Variants in SLC25A16 observed in about 807,000 individuals in gnomAD.
SLC25A16 encodes solute carrier family 25 member 16.
In SLC25A16, 39 loss-of-function variants were observed where a neutral mutation model predicts 41.5. The observed-to-expected ratio is 0.94, with a 90% CI of 0.73 to 1.23. The LOEUF is 1.23. Ranked by LOEUF, SLC25A16 falls within the 50% of genes most tolerant of loss-of-function variation. SLC25A16 has a pLI of 0.00. For synonymous variants in SLC25A16, 146 were observed against 147.8 expected, an observed-to-expected ratio of 0.99 and a Z score of 0.09; for missense variants, 421 against 426.9, an observed-to-expected ratio of 0.99 and a Z score of 0.12.
intron 2 of SLC25A16, among the ~76,000 whole-genome samples, chr10:68,514,617 G>C (rs1041573339): frequency 7.2e-5 from 11 of 152,252 alleles, no homozygotes; most frequent in Admixed American, 6.5e-4. Context: ...GGTACTTTTT[G>C]AGACTTTTAC....
chr10:68,493,256 C>G (rs2052692240), intron 5 of SLC25A16, 58 bp from the exon 6 acceptor site: 2 of 1,292,734 alleles, frequency 1.5e-6, no homozygotes, highest in Non-Finnish European at 1.1e-6. Context: ...TCATAAACAT[C>G]AAAGAAAAAA....
At chr10:68,521,953 G>A (rs1241455162) in intron 1 of SLC25A16, among the ~76,000 whole-genome samples, 1 of 151,866 alleles carries the variant, frequency 6.6e-6, no homozygotes, top group Non-Finnish European at 1.5e-5. Flanking sequence ...TTGAGGTCAG[G>A]AATTGGAGAC....
In SLC25A16 at chr10:68,527,428, C is replaced by A. The variant is rs1455672402; in HGVS notation, c.-53G>T. The A allele has an allele frequency of 3.5e-6, 5 of 1,419,086 alleles. No homozygotes were observed. Among genetic ancestry groups the A allele is most frequent in the Non-Finnish European group, 4.6e-6 (5 of 1,095,650 alleles). The allele number at this position is 1,419,086 out of a possible 1,614,324, so 87.9% of individuals were successfully genotyped here. A position where few individuals can be genotyped will look rare whatever the true frequency, so the allele number is the denominator to read the frequency against. On this transcript the variant is annotated 5_prime_UTR_variant, in exon 1 of 9. Transcript: ENST00000609923. ...GGTTGCCAACTTACAGAACACCGGACGGGACCATAGCCGGAACAGGCGGTG... is the reference window on the plus strand; with the variant it reads ...GGTTGCCAACTTACAGAACACCGGAAGGGACCATAGCCGGAACAGGCGGTG...
At chr10:68,503,434 A>T (rs976612872) in intron 4 of SLC25A16, among the ~76,000 whole-genome samples, 198 bp downstream of exon 4, 1 of 152,176 alleles carries the variant, frequency 6.6e-6, no homozygotes, top group African/African-American at 2.4e-5. Flanking sequence ...AAAACAACAA[A>T]TGTGTGCTAC....
intron 2 of SLC25A16, among the ~76,000 whole-genome samples, chr10:68,514,820 C>T (rs1421229897): frequency 6.6e-6 from 1 of 151,938 alleles, no homozygotes. Flanking sequence ...TTACAGCAAC[C>T]TCCACCTCCC....
rs1371499431 is a variant in SLC25A16, at chr10:68,479,845, GA to G, written c.*3586del. On this transcript the variant is annotated 3_prime_UTR_variant, in exon 9 of 9. Coordinates refer to ENST00000609923, the MANE Select transcript of SLC25A16 (RefSeq NM_152707.4). ...AAAAAAAAAAAAAAAAGAAAGAAAAGAAAGAAAAATACAAAACTCAGCTGGG... is the reference window on the plus strand; with the variant it reads ...AAAAAAAAAAAAAAAAGAAAGAAAAGAAGAAAAATACAAAACTCAGCTGGG... 7.0e-6 allele frequency: 1 copy of G among 143,480 alleles called. No homozygotes were observed. Among genetic ancestry groups the G allele is most frequent in the African/African-American group, 2.6e-5 (1 of 38,244 alleles). 8.9% of individuals were successfully genotyped at this position (143,480 alleles called of 1,614,324 possible).
intron 1 of SLC25A16, among the ~76,000 whole-genome samples, chr10:68,526,309 T>C (rs546716527): frequency 1.3e-5 from 2 of 152,214 alleles, no homozygotes; most frequent in African/African-American, 4.8e-5. Context: ...GAGATGTTTA[T>C]GTGTATGCAT....
chr10:68,527,473 GCCGGC>G lies in SLC25A16; in HGVS notation c.-103_-99del, dbSNP rs934489522. The G allele has an allele frequency of 2.5e-4, 307 of 1,235,018 alleles. 2 individuals carry two copies. Among genetic ancestry groups the G allele is most frequent in the Non-Finnish European group, 3.0e-4 (284 of 939,252 alleles). The allele number at this position is 1,235,018 out of a possible 1,614,324, so 76.5% of individuals were successfully genotyped here. On this transcript the variant is annotated 5_prime_UTR_variant, in exon 1 of 9. Transcript: ENST00000609923. ...GCGGTGACAGGAGGCTGACCGCCCC[GCCGGC>G]GGGGCAAAGTAACACCCGGCGGCGC...
At chr10:68,527,203 C>G in intron 1 of SLC25A16, 43 bp downstream of exon 1, 1 of 1,540,562 alleles carries the variant, frequency 6.5e-7, no homozygotes, top group Non-Finnish European at 8.7e-7. Context: ...AGTCCTGCCC[C>G]CGCCACTCAG....
intron 1 of SLC25A16, among the ~76,000 whole-genome samples, chr10:68,518,511 C>T (rs1462403894): frequency 6.6e-6 from 1 of 152,006 alleles, no homozygotes; most frequent in Non-Finnish European, 1.5e-5. Flanking sequence ...AGCCGTGGCT[C>T]ATGCCTGTAA....
intron 1 of SLC25A16, among the ~76,000 whole-genome samples, chr10:68,520,670 G>C (rs992647206): frequency 1.3e-5 from 2 of 152,022 alleles, no homozygotes; most frequent in African/African-American, 4.8e-5. Context: ...AAATTAGCTA[G>C]GCCTGGTGGC....
rs1220171350 is a variant in SLC25A16, at chr10:68,483,554, G to A, written c.877C>T (p.His293Tyr). Residue 293 changes from histidine to tyrosine, a missense_variant, in exon 9 of 9, where the codon CAC becomes TAC. By Grantham distance (83) the His-to-Tyr change is moderately conservative. Transcript: ENST00000609923. ...TAGAGTCCTTTTCGAATTCCATGGT[G>A]TCCATAGACATACTTCATAGTATCC... Reference protein sequence around the residue: ...MRDTMKYVYGHHGIRKGLYRG... With the variant: ...MRDTMKYVYGYHGIRKGLYRG... 6.2e-7 allele frequency: 1 copy of A among 1,609,286 alleles called. No individual in the cohort carries two copies. The highest frequency in any genetic ancestry group is 8.5e-7 in the Non-Finnish European group (1 of 1,177,060).
At chr10:68,488,992 G>A (rs150271918) in intron 6 of SLC25A16, among the ~76,000 whole-genome samples, 3 of 152,218 alleles carry the variant, frequency 2.0e-5, no homozygotes, top group African/African-American at 4.8e-5. Context: ...AATGATGGCC[G>A]GGCGTGGTGG....
chr10:68,522,508 G>C (rs866541869), intron 1 of SLC25A16, among the ~76,000 whole-genome samples: 3 of 151,872 alleles, frequency 2.0e-5, no homozygotes, highest in African/African-American at 7.3e-5. Context: ...GGTGAAACCC[G>C]GTCTCCACTG....
intron 8 of SLC25A16, 150 bp downstream of exon 8, chr10:68,486,994 C>A: frequency 2.3e-6 from 1 of 439,750 alleles, no homozygotes; most frequent in Non-Finnish European, 4.1e-6. Context: ...AACCTGATTG[C>A]CTGATTGTAA....
intron 3 of SLC25A16, among the ~76,000 whole-genome samples, chr10:68,504,715 C>G (rs1012336480): frequency 6.6e-6 from 1 of 151,982 alleles, no homozygotes; most frequent in African/African-American, 2.4e-5. Context: ...GAGTCTCACT[C>G]TGTCACCCAG....
intron 4 of SLC25A16, chr10:68,496,556 C>T: frequency 2.0e-6 from 2 of 983,808 alleles, no homozygotes; most frequent in Non-Finnish European, 2.4e-6. Context: ...GACTTGCTTT[C>T]AATTTTTATG....
intron 3 of SLC25A16, among the ~76,000 whole-genome samples, chr10:68,504,057 G>C (rs1056845076): frequency 8.5e-6 from 1 of 117,676 alleles, no homozygotes; most frequent in Non-Finnish European, 1.6e-5. Flanking sequence ...ATGAAGTCTC[G>C]CTCTGTGTCC....
intron 6 of SLC25A16, among the ~76,000 whole-genome samples, chr10:68,491,421 C>A (rs1393727306): frequency 6.6e-6 from 1 of 152,004 alleles, no homozygotes; most frequent in African/African-American, 2.4e-5. Context: ...GACGGTGTTT[C>A]TCCATGTTGG....
Sources: allele counts gnomAD v4.1 joint callset (sites outside exome capture counted in the v4.1 genomes callset), GRCh38; gene constraint gnomAD v4.1.1; transcripts MANE v1.5; gene names NCBI Gene and HGNC (gene_info 2026-07-23, HGNC 2026-07-21).